Variants in NPLOC4 observed in about 807,000 individuals in gnomAD.
NPLOC4 encodes NPL4 homolog, ubiquitin recognition factor, also known as nuclear protein localization protein 4 homolog.
In NPLOC4, 18 loss-of-function variants were observed where a neutral mutation model predicts 80.6. The observed-to-expected ratio is 0.22, with a 90% CI of 0.15 to 0.33. The LOEUF is 0.33. Ranked by LOEUF, NPLOC4 falls within the 10% of genes least tolerant of loss-of-function variation. The probability of loss-of-function intolerance (pLI) is 1.00; values close to 1 mark genes in which losing one functional copy is unlikely to be tolerated. For missense variants in NPLOC4, 540 were observed against 786.1 expected (o/e 0.69, Z 3.74); for synonymous variants, 313 against 301.5 (o/e 1.04, Z -0.39).
intron 13 of NPLOC4, among the ~76,000 whole-genome samples, chr17:81,570,117 C>T (rs916368631): frequency 3.9e-5 from 6 of 152,210 alleles, no homozygotes; most frequent in African/African-American, 1.2e-4. Context: ...CAGCGCCAGC[C>T]GCTGTGGAAG....
intron 16 of NPLOC4, chr17:81,563,837 C>G (rs1022561567): frequency 4.6e-6 from 2 of 434,012 alleles, no homozygotes; most frequent in African/African-American, 4.0e-5. Context: ...GGCCATTATT[C>G]TAAGCAAACT....
At chr17:81,610,762 C>G (rs1423003277) in intron 4 of NPLOC4, among the ~76,000 whole-genome samples, 1 of 40,874 alleles carries the variant, frequency 2.4e-5, no homozygotes, top group African/African-American at 6.2e-5. Context: ...ACCATCCTGG[C>G]TAACAAGGTG....
chr17:81,625,801 G>GA (rs141152097), intron 2 of NPLOC4, among the ~76,000 whole-genome samples: 127 of 145,896 alleles, frequency 8.7e-4, no homozygotes, highest in African/African-American at 2.3e-3. Flanking sequence ...GAGATTTGGG[G>GA]AAAAAAAAAA....
At chr17:81,605,058 A>G (rs2035164795) in intron 7 of NPLOC4, among the ~76,000 whole-genome samples, 1 of 152,006 alleles carries the variant, frequency 6.6e-6, no homozygotes, top group African/African-American at 2.4e-5. Flanking sequence ...CAGGAGATCA[A>G]GACCATCCTG....
At chr17:81,618,747 T>C (rs1485467353) in intron 3 of NPLOC4, among the ~76,000 whole-genome samples, 3 of 151,172 alleles carry the variant, frequency 2.0e-5, no homozygotes, top group Admixed American at 6.6e-5. Flanking sequence ...ACAATGGCAG[T>C]TTTGTGGAAT....
In NPLOC4 at chr17:81,577,898, G is replaced by A. The variant is rs1017136565; in HGVS notation, c.1282-5810C>T. On this transcript the variant is annotated intron_variant, in intron 12 of 16. Transcript: ENST00000331134. This position sits in a 1 kb window ranked among gnomAD's most constrained non-coding sequence, Gnocchi z 4.3. ...GTGGCCTGGATTGCCAACACCACCA[G>A]CTTCTCACTGGGCTCCCCAACTCCA... Among the ~76,000 whole-genome samples the A allele has an allele frequency of 4.6e-5, 7 of 152,186 alleles. No individual in the cohort carries two copies. Among genetic ancestry groups the A allele is most frequent in the African/African-American group, 1.4e-4 (6 of 41,440 alleles).
chr17:81,600,191 T>C (rs2035026849), intron 9 of NPLOC4, 150 bp downstream of exon 9: 1 of 611,446 alleles, frequency 1.6e-6, no homozygotes, highest in Non-Finnish European at 3.0e-6. Flanking sequence ...ATATGTGAAG[T>C]TTCAAAACAT....
intron 13 of NPLOC4, among the ~76,000 whole-genome samples, chr17:81,571,698 C>T (rs1290843981): frequency 6.6e-6 from 1 of 152,236 alleles, no homozygotes; most frequent in Admixed American, 6.5e-5. Context: ...GGGTTCGCTG[C>T]CTTCCAGAGG....
chr17:81,615,100 CT>C (rs1555686152), intron 3 of NPLOC4, among the ~76,000 whole-genome samples: 86 of 133,540 alleles, frequency 6.4e-4, no homozygotes, highest in Non-Finnish European at 7.2e-4. Context: ...ACGTCTGTTT[CT>C]TTTTTTTTTT....
At chr17:81,597,566 C>A (rs1404588530) in intron 9 of NPLOC4, among the ~76,000 whole-genome samples, 1 of 151,366 alleles carries the variant, frequency 6.6e-6, no homozygotes, top group South Asian at 2.1e-4. Context: ...GGGTGGATCA[C>A]CCGAGGTCGG....
rs1267828471 is a variant in NPLOC4, at chr17:81,579,309, C to A, written c.1282-7221G>T. Among the ~76,000 whole-genome samples the A allele has an allele frequency of 2.0e-5, 3 of 152,142 alleles. No individual in the cohort carries two copies. In the South Asian group the frequency reaches 6.2e-4, roughly 32 times the overall value. On this transcript the variant is annotated intron_variant, in intron 12 of 16. Coordinates refer to ENST00000331134, the MANE Select transcript of NPLOC4 (RefSeq NM_017921.4). Reference sequence around the variant, plus strand: ...AGGAGAACTGCTTGAACCAGGGAGGCGGAGATTGCAGTGAGCCAAGATCGT... The same window carrying A: ...AGGAGAACTGCTTGAACCAGGGAGGAGGAGATTGCAGTGAGCCAAGATCGT...
chr17:81,623,572 G>T (rs2035723169), intron 2 of NPLOC4, among the ~76,000 whole-genome samples: 2 of 151,926 alleles, frequency 1.3e-5, no homozygotes, highest in Non-Finnish European at 2.9e-5. Context: ...GCCGAGGCAG[G>T]CGGATCATGA....
At chr17:81,575,006 C>T (rs1294522648) in intron 12 of NPLOC4, among the ~76,000 whole-genome samples, 1 of 152,178 alleles carries the variant, frequency 6.6e-6, no homozygotes, top group African/African-American at 2.4e-5. Context: ...GAATGTGCTG[C>T]TTTTCTAAGA....
intron 9 of NPLOC4, among the ~76,000 whole-genome samples, chr17:81,599,879 A>G (rs890811249): frequency 6.6e-6 from 1 of 152,218 alleles, no homozygotes; most frequent in African/African-American, 2.4e-5. Context: ...GGAGCAGCAG[A>G]AGCTCCAAGT....
At chr17:81,564,083 AACACAC>A (rs58774657) in intron 16 of NPLOC4, 963 of 273,484 alleles carry the variant, frequency 3.5e-3, no homozygotes, top group East Asian at 0.012. Flanking sequence ...TCCAGCTCAA[AACACAC>A]ACACACACAC....
Position 81,580,192 on chromosome 17 carries a change from T to C in NPLOC4, c.1282-8104A>G, listed in dbSNP as rs755877984. Among the ~76,000 whole-genome samples, 2 of 152,048 alleles carry C rather than the reference T, an allele frequency of 1.3e-5. No homozygotes were observed. The highest frequency in any genetic ancestry group is 3.9e-4 in the East Asian group (2 of 5,176). ...GGCCTCAAGCACCACCCCAACACCA[T>C]CTGTACCATGTGCCTCTCCCAAGCA... On this transcript the variant is annotated intron_variant, in intron 12 of 16. Coordinates refer to ENST00000331134, the MANE Select transcript of NPLOC4 (RefSeq NM_017921.4). This position sits in a 1 kb window ranked among gnomAD's most constrained non-coding sequence, Gnocchi z 4.4.
intron 3 of NPLOC4, among the ~76,000 whole-genome samples, chr17:81,615,100 C>CTTTTTT (rs1555686152): frequency 1.5e-5 from 2 of 133,578 alleles, no homozygotes; most frequent in African/African-American, 2.9e-5. Flanking sequence ...ACGTCTGTTT[C>CTTTTTT]TTTTTTTTTT....
rs548568375 is a variant in NPLOC4 at position 81,567,848 on chromosome 17, C to T, written c.1450-315G>A. On this transcript the variant is annotated intron_variant, in intron 14 of 16. Transcript: ENST00000331134. The surrounding 1 kb of genome is among the most constrained non-coding windows in gnomAD (Gnocchi z 4.5). The stretch of plus-strand genomic sequence containing the variant: ...GTAATTCCAGCACTTTTTAGGAGGC[C>T]GAGGCAGGCAGGTGGTCAGGAGTTC... 7 of 229,040 alleles carry T rather than the reference C, an allele frequency of 3.1e-5. No homozygotes were observed. In the East Asian group the frequency reaches 7.5e-4, roughly 24 times the overall value. 14.2% of individuals were successfully genotyped at this position (229,040 alleles called of 1,614,324 possible).
At chr17:81,597,433 G>A (rs1385765366) in intron 9 of NPLOC4, 117 bp from the exon 10 acceptor site, 9 of 751,022 alleles carry the variant, frequency 1.2e-5, no homozygotes, top group Admixed American at 6.2e-5. Context: ...GGAGAATCAC[G>A]AGGTTAAGAG....
Sources: allele counts gnomAD v4.1 joint callset (sites outside exome capture counted in the v4.1 genomes callset), GRCh38; gene constraint gnomAD v4.1.1; non-coding constraint Gnocchi (gnomAD v3.1); transcripts MANE v1.5; gene names NCBI Gene and HGNC (gene_info 2026-07-23, HGNC 2026-07-21).